CSMD1: variants seen among roughly 807,000 people sequenced by gnomAD.
The protein encoded by CSMD1 is CUB and sushi domain-containing protein 1.
A neutral mutation model predicts 417.5 loss-of-function variants in CSMD1; 213 were observed. The observed-to-expected ratio is 0.51, with a 90% confidence interval of 0.46 to 0.57. CSMD1 has a LOEUF of 0.57. CSMD1 is among the 20% of genes least tolerant of loss of function. The probability of loss-of-function intolerance (pLI) is 0.00; values close to 1 mark genes in which losing one functional copy is unlikely to be tolerated. For missense variants in CSMD1, 6,923 were observed against 4,529.7 expected, an observed-to-expected ratio of 1.53 and a Z score of -15.17; for synonymous variants, 2,862 against 1,736.8, an observed-to-expected ratio of 1.65 and a Z score of -16.11.
intron 6 of CSMD1, among the ~76,000 whole-genome samples, chr8:3,736,656 C>T (rs13268323): frequency 0.34 from 52,058 of 152,046 alleles, 9,119 homozygotes; most frequent in Admixed American, 0.38. Context: ...CTTCCATCAC[C>T]TGCGACCTGG....
intron 2 of CSMD1, among the ~76,000 whole-genome samples, chr8:4,595,550 A>G (rs1158743539): frequency 6.6e-6 from 1 of 152,024 alleles, no homozygotes; most frequent in Non-Finnish European, 1.5e-5. Context: ...CTCTGGTGGC[A>G]CAGAAACCAT....
chr8:3,423,426 G>A (rs996418159), intron 12 of CSMD1, among the ~76,000 whole-genome samples: 1 of 152,050 alleles, frequency 6.6e-6, no homozygotes, highest in Non-Finnish European at 1.5e-5. Flanking sequence ...GGAATCATAG[G>A]GTACACACAT....
intron 1 of CSMD1, among the ~76,000 whole-genome samples, chr8:4,831,353 A>C (rs556498007): frequency 6.6e-6 from 1 of 152,304 alleles, no homozygotes; most frequent in East Asian, 1.9e-4. Flanking sequence ...CCTTATAATT[A>C]ACATCCTTAT....
intron 1 of CSMD1, among the ~76,000 whole-genome samples, chr8:4,761,477 T>G (rs533921849): frequency 1.3e-5 from 2 of 152,156 alleles, no homozygotes; most frequent in Admixed American, 1.3e-4. Context: ...ATTTCTAGTG[T>G]GAATACTAAA....
intron 5 of CSMD1, among the ~76,000 whole-genome samples, chr8:3,880,831 G>T (rs557663589): frequency 6.6e-6 from 1 of 152,052 alleles, no homozygotes; most frequent in Non-Finnish European, 1.5e-5. Flanking sequence ...TAAAAATAAC[G>T]TAATGACCTG....
intron 1 of CSMD1, among the ~76,000 whole-genome samples, chr8:4,864,622 T>C (rs1802317906): frequency 6.6e-6 from 1 of 151,720 alleles, no homozygotes; most frequent in Admixed American, 6.6e-5. Flanking sequence ...GCTTTATTAA[T>C]TTTAAAATTG....
At chr8:4,492,116 A>G (rs1288243056) in intron 2 of CSMD1, among the ~76,000 whole-genome samples, 1 of 152,172 alleles carries the variant, frequency 6.6e-6, no homozygotes, top group Admixed American at 6.6e-5. Context: ...TTCTTTTTAG[A>G]TACAGGGTCT....
intron 3 of CSMD1, among the ~76,000 whole-genome samples, chr8:4,335,202 C>T (rs992000739): frequency 1.3e-5 from 2 of 152,068 alleles, no homozygotes; most frequent in African/African-American, 4.8e-5. Flanking sequence ...CCATGGCTGG[C>T]CTGGGCTCTC....
chr8:3,996,874 T>G (rs2130330523), intron 5 of CSMD1, among the ~76,000 whole-genome samples: 1 of 152,340 alleles, frequency 6.6e-6, no homozygotes, highest in Non-Finnish European at 1.5e-5. Flanking sequence ...CTCAATTCAA[T>G]TCCAATAATC....
intron 1 of CSMD1, among the ~76,000 whole-genome samples, chr8:4,722,483 C>T (rs1809122214): frequency 6.6e-6 from 1 of 152,054 alleles, no homozygotes; most frequent in South Asian, 2.1e-4. Flanking sequence ...TCACTATATC[C>T]TGCTTCCATT....
intron 2 of CSMD1, among the ~76,000 whole-genome samples, chr8:4,616,469 G>C (rs1015512488): frequency 2.0e-5 from 3 of 152,050 alleles, no homozygotes; most frequent in Non-Finnish European, 4.4e-5. Context: ...ATTTAAAGCT[G>C]GTTATAAATT....
At chr8:3,520,087 T>C (rs1490335920) in intron 10 of CSMD1, among the ~76,000 whole-genome samples, 2 of 151,078 alleles carry the variant, frequency 1.3e-5, no homozygotes, top group Admixed American at 6.6e-5. Context: ...AGTAAAATTC[T>C]ATCATTTATG....
At chr8:3,847,979 T>C (rs1454487030) in intron 5 of CSMD1, among the ~76,000 whole-genome samples, 1 of 152,158 alleles carries the variant, frequency 6.6e-6, no homozygotes, top group Non-Finnish European at 1.5e-5. Flanking sequence ...TATTTATTTA[T>C]TCATCTCTAT....
intron 6 of CSMD1, among the ~76,000 whole-genome samples, chr8:3,736,556 T>C (rs1286605496): frequency 6.6e-6 from 1 of 152,134 alleles, no homozygotes; most frequent in Non-Finnish European, 1.5e-5. Flanking sequence ...TCATTTCCAG[T>C]GTGTCTACCA....
At position 4,244,376 on chromosome 8, in the gene CSMD1, C is replaced by T. The variant is rs772050430; in HGVS notation, c.415+175577G>A. ...TTTAATAGGTAGAAAGACCTAGAAACGGATGTTTTTATGTTAATAGATCTT... is the reference window on the plus strand; with the variant it reads ...TTTAATAGGTAGAAAGACCTAGAAATGGATGTTTTTATGTTAATAGATCTT... On this transcript the variant is annotated intron_variant, in intron 3 of 69. Coordinates refer to ENST00000635120, the MANE Select transcript of CSMD1 (RefSeq NM_033225.6). 2.5e-4 allele frequency among the ~76,000 whole-genome samples: 38 copies of T among 152,060 alleles called. 1 individual carries two copies. Among genetic ancestry groups the T allele is most frequent in the Non-Finnish European group, 3.4e-4 (23 of 68,018 alleles).
rs767469656 is a variant in CSMD1 at position 4,334,003 on chromosome 8, G to A, written c.415+85950C>T. Among the ~76,000 whole-genome samples, 59 of 151,954 alleles carry A rather than the reference G, an allele frequency of 3.9e-4. 1 individual carries two copies. The highest frequency in any genetic ancestry group is 3.4e-3 in the Middle Eastern group (1 of 292). ...ATGTTCTGCCTCAAGCCATCCTCCCGCCTCAGACTCCTGAGTACCTGGGAC... is the reference window on the plus strand; with the variant it reads ...ATGTTCTGCCTCAAGCCATCCTCCCACCTCAGACTCCTGAGTACCTGGGAC... On this transcript the variant is annotated intron_variant, in intron 3 of 69. Coordinates refer to ENST00000635120, the MANE Select transcript of CSMD1 (RefSeq NM_033225.6).
chr8:3,660,992 G>T (rs1798389344), intron 7 of CSMD1, among the ~76,000 whole-genome samples: 1 of 152,158 alleles, frequency 6.6e-6, no homozygotes, highest in Admixed American at 6.5e-5. Flanking sequence ...AGAGGTGAGC[G>T]CCAGCACCCA....
intron 3 of CSMD1, among the ~76,000 whole-genome samples, chr8:4,290,854 T>C (rs942814315): frequency 6.6e-6 from 1 of 152,202 alleles, no homozygotes; most frequent in Non-Finnish European, 1.5e-5. Flanking sequence ...AAAATATCCA[T>C]CTGTTTCTTG....
chr8:4,921,696 G>C (rs1010785620), intron 1 of CSMD1, among the ~76,000 whole-genome samples: 1 of 152,084 alleles, frequency 6.6e-6, no homozygotes, highest in African/African-American at 2.4e-5. Flanking sequence ...CTGTGTACAG[G>C]AATGTGTATG....
Sources: gnomAD v4.1 joint callset for allele counts (sites outside exome capture counted in the v4.1 genomes callset) on GRCh38, gnomAD v4.1.1 for gene constraint, MANE v1.5 for transcripts, NCBI Gene and HGNC (gene_info 2026-07-23, HGNC 2026-07-21) for gene names.